Variants in DAPK2 observed in about 807,000 individuals in gnomAD.
DAPK2 encodes death associated protein kinase 2, also known as death-associated protein kinase 2.
DAPK2 carries 35 observed loss-of-function variants against 44.1 expected under a neutral mutation model. The ratio of observed to expected loss-of-function variants is 0.79; its 90% CI spans 0.61 to 1.05. The LOEUF is 1.05. DAPK2 is among the 50% of genes least tolerant of loss of function. The pLI, the probability that DAPK2 is intolerant of heterozygous loss-of-function variation, is 0.00. For missense variants in DAPK2, 453 were observed against 483.2 expected, an observed-to-expected ratio of 0.94 and a Z score of 0.59; for synonymous variants, 174 against 182.6, an observed-to-expected ratio of 0.95 and a Z score of 0.38.
At chr15:63,938,032 C>T (rs1344208984) in intron 4 of DAPK2, among the ~76,000 whole-genome samples, 7 of 151,940 alleles carry the variant, frequency 4.6e-5, no homozygotes, top group Non-Finnish European at 8.8e-5. Flanking sequence ...CTGAGTTTAC[C>T]TTAACTAAAA....
At chr15:63,950,173 T>C (rs1380654535) in intron 3 of DAPK2, among the ~76,000 whole-genome samples, 2 of 152,176 alleles carry the variant, frequency 1.3e-5, no homozygotes, top group Non-Finnish European at 2.9e-5. Context: ...ATTAATAAAA[T>C]ACAAATTAAA....
chr15:63,930,572 T>A (rs1324359588), intron 4 of DAPK2, 117 bp from the exon 6 acceptor site: 2 of 945,318 alleles, frequency 2.1e-6, no homozygotes, highest in Non-Finnish European at 3.4e-6. Flanking sequence ...CCAGGAAAAT[T>A]AGAGCAGCAG....
intron 8 of DAPK2, chr15:63,921,955 T>A (rs1485702958): frequency 6.6e-6 from 1 of 152,172 alleles, no homozygotes; most frequent in Non-Finnish European, 1.5e-5. Flanking sequence ...GCAGAATACA[T>A]GAAGTTGCTT....
chr15:63,997,114 G>A (rs1315081899), intron 1 of DAPK2, among the ~76,000 whole-genome samples: 1 of 152,128 alleles, frequency 6.6e-6, no homozygotes, highest in African/African-American at 2.4e-5. Context: ...GAGTGCAACT[G>A]TGCCATCTCC....
At position 63,970,543 on chromosome 15, in the gene DAPK2, C is replaced by T. The variant is rs117889521; in HGVS notation, c.453+880G>A. Among the ~76,000 whole-genome samples, 259 of 152,246 alleles carry T rather than the reference C, an allele frequency of 1.7e-3. 2 individuals are homozygous for T. Among genetic ancestry groups the T allele is most frequent in the Admixed American group, 3.7e-3 (57 of 15,296 alleles). ...CTTAGAGTTGCTGGTTTTTCTATCTCCTACACTAAGGTTCCTGGAAAAGAT... is the reference window on the plus strand; with the variant it reads ...CTTAGAGTTGCTGGTTTTTCTATCTTCTACACTAAGGTTCCTGGAAAAGAT... On this transcript the variant is annotated intron_variant, in intron 3 of 10. Coordinates refer to ENST00000261891, the Ensembl canonical transcript of DAPK2.
chr15:63,929,859 G>T (rs1404899428), intron 5 of DAPK2: 2 of 600,080 alleles, frequency 3.3e-6, no homozygotes, highest in Non-Finnish European at 6.3e-6. Context: ...TACCACCTCG[G>T]AGCCCTTCCC....
intron 8 of DAPK2, chr15:63,921,316 C>A (rs1381831819): frequency 6.6e-6 from 1 of 152,252 alleles, no homozygotes; most frequent in African/African-American, 2.4e-5. Flanking sequence ...ATTAGAAGGT[C>A]TCTACTTTTG....
At chr15:63,924,558 G>A (rs960193429) in intron 8 of DAPK2, 3 of 463,164 alleles carry the variant, frequency 6.5e-6, no homozygotes, top group Admixed American at 7.7e-5. Flanking sequence ...AAAGAAAAAG[G>A]GTTTCAACTG....
intron 1 of DAPK2, among the ~76,000 whole-genome samples, chr15:64,009,446 T>C (rs2079326483): frequency 6.6e-6 from 1 of 152,264 alleles, no homozygotes; most frequent in South Asian, 2.1e-4. Context: ...CTGAGCTCCT[T>C]GGCCAGGCCC....
chr15:64,017,324 C>T (rs750300785), intron 1 of DAPK2, among the ~76,000 whole-genome samples: 8 of 152,206 alleles, frequency 5.3e-5, no homozygotes, highest in Non-Finnish European at 1.0e-4. Context: ...TACCCTGCTG[C>T]CTCACAGGGC....
At chr15:63,937,556 C>A (rs1251538711) in intron 4 of DAPK2, among the ~76,000 whole-genome samples, 1 of 152,056 alleles carries the variant, frequency 6.6e-6, no homozygotes, top group Non-Finnish European at 1.5e-5. Context: ...GGGAGGTGTT[C>A]CTCCCCTCCT....
intron 1 of DAPK2, among the ~76,000 whole-genome samples, chr15:64,030,298 A>C (rs2079975155): frequency 6.6e-6 from 1 of 151,862 alleles, no homozygotes; most frequent in South Asian, 2.1e-4. Context: ...AAAAACCAAA[A>C]ACCAAAAACC....
intron 1 of DAPK2, among the ~76,000 whole-genome samples, chr15:64,002,486 A>G (rs1216317300): frequency 6.6e-6 from 1 of 152,222 alleles, no homozygotes; most frequent in Non-Finnish European, 1.5e-5. Context: ...CCATAATAGT[A>G]AAAAATATTT....
intron 1 of DAPK2, among the ~76,000 whole-genome samples, chr15:64,039,105 C>T (rs2080288402): frequency 6.6e-6 from 1 of 152,224 alleles, no homozygotes; most frequent in African/African-American, 2.4e-5. Context: ...CAGTCTCCAA[C>T]CAAACTGTGC....
At chr15:63,955,181 A>G (rs1388452583) in intron 3 of DAPK2, among the ~76,000 whole-genome samples, 1 of 152,162 alleles carries the variant, frequency 6.6e-6, no homozygotes, top group Non-Finnish European at 1.5e-5. Flanking sequence ...GACTTCCAGT[A>G]TTATGTTGAA....
chr15:64,014,996 T>C (rs1423602682), intron 1 of DAPK2, among the ~76,000 whole-genome samples: 1 of 150,996 alleles, frequency 6.6e-6, no homozygotes, highest in Non-Finnish European at 1.5e-5. Context: ...GATGCGTTGA[T>C]AGCCAAGAGG....
intron 1 of DAPK2, among the ~76,000 whole-genome samples, chr15:64,016,845 AAGGAAGGAAGG>A (rs2079542977): frequency 1.2e-4 from 1 of 8,332 alleles, no homozygotes; most frequent in African/African-American, 1.8e-4. Flanking sequence ...GGAGGGAAGG[AAGGAAGGAAGG>A]AAGGAAGGAA....
chr15:63,965,948 A>T (rs1290555689), intron 3 of DAPK2, among the ~76,000 whole-genome samples: 1 of 152,156 alleles, frequency 6.6e-6, no homozygotes, highest in Non-Finnish European at 1.5e-5. Flanking sequence ...TCTCTACCCC[A>T]CTGTGGTCAA....
intron 1 of DAPK2, among the ~76,000 whole-genome samples, chr15:64,016,544 A>T (rs1185718759): frequency 6.6e-6 from 1 of 152,174 alleles, no homozygotes; most frequent in Admixed American, 6.5e-5. Flanking sequence ...CTCTAATCCA[A>T]ACACTTTGGA....
Sources: allele counts gnomAD v4.1 joint callset (sites outside exome capture counted in the v4.1 genomes callset), GRCh38; gene constraint gnomAD v4.1.1; transcripts MANE v1.5; gene names NCBI Gene and HGNC (gene_info 2026-07-23, HGNC 2026-07-21).